The following MAST4 variants were observed in gnomAD, a reference collection of about 807,000 sequenced individuals.
MAST4 encodes microtubule-associated serine/threonine-protein kinase 4.
Under a neutral mutation model 162.7 loss-of-function variants are expected in MAST4, and 89 were observed. The ratio of observed to expected loss-of-function variants is 0.55; its 90% CI spans 0.46 to 0.65. The LOEUF is 0.65. Ranked by LOEUF, MAST4 falls within the 30% of genes least tolerant of loss-of-function variation. MAST4 has a pLI of 0.00. For missense variants in MAST4, 3,153 were observed against 3,374.0 expected (o/e 0.93, Z 1.62); for synonymous variants, 1,479 against 1,361.1 (o/e 1.09, Z -1.91).
intron 5 of MAST4, among the ~76,000 whole-genome samples, chr5:67,062,842 CA>C (rs1399936240): frequency 6.6e-6 from 1 of 152,070 alleles, no homozygotes; most frequent in African/African-American, 2.4e-5. Flanking sequence ...TCAACAAAAT[CA>C]ACTTGTAAAA....
chr5:66,905,626 A>G (rs1377303347), intron 4 of MAST4, among the ~76,000 whole-genome samples: 1 of 152,208 alleles, frequency 6.6e-6, no homozygotes, highest in Non-Finnish European at 1.5e-5. Flanking sequence ...AGAGGTCCTC[A>G]GAACATGTGC....
At chr5:67,078,632 A>G (rs1761974220) in intron 5 of MAST4, among the ~76,000 whole-genome samples, 1 of 140,638 alleles carries the variant, frequency 7.1e-6, no homozygotes, top group Admixed American at 7.4e-5. Context: ...ATATATTTAT[A>G]TTTATATTTA....
At chr5:66,924,899 T>A (rs1764784574) in intron 4 of MAST4, among the ~76,000 whole-genome samples, 1 of 152,334 alleles carries the variant, frequency 6.6e-6, no homozygotes, top group African/African-American at 2.4e-5. Flanking sequence ...CTTTCAGTGT[T>A]ACAGTCTCAG....
intron 1 of MAST4, among the ~76,000 whole-genome samples, chr5:66,705,258 A>G (rs188944316): frequency 2.6e-5 from 4 of 152,308 alleles, no homozygotes; most frequent in East Asian, 3.9e-4. Context: ...CATTTCCTGT[A>G]GCTTCCTTTT....
chr5:66,901,760 G>T (rs1258662814), intron 4 of MAST4, among the ~76,000 whole-genome samples: 1 of 152,022 alleles, frequency 6.6e-6, no homozygotes, highest in South Asian at 2.1e-4. Context: ...AAATAAACAT[G>T]CTATTTTGTA....
At chr5:66,718,502 G>C (rs775930460) in intron 1 of MAST4, among the ~76,000 whole-genome samples, 38 of 152,104 alleles carry the variant, frequency 2.5e-4, no homozygotes, top group Non-Finnish European at 5.0e-4. Flanking sequence ...GGTGGTATCT[G>C]TCTCAGGGCC....
chr5:66,703,040 T>C (rs1338808931), intron 1 of MAST4, among the ~76,000 whole-genome samples: 1 of 152,120 alleles, frequency 6.6e-6, no homozygotes, highest in African/African-American at 2.4e-5. Context: ...CTGTTAGGAT[T>C]CATTATGGAT....
At chr5:66,994,052 G>A (rs1326963202) in intron 4 of MAST4, among the ~76,000 whole-genome samples, 1 of 151,734 alleles carries the variant, frequency 6.6e-6, no homozygotes, top group Non-Finnish European at 1.5e-5. Context: ...TTGTTTCATG[G>A]GAGAGTGATA....
chr5:66,997,741 A>G (rs933210098), intron 4 of MAST4, among the ~76,000 whole-genome samples: 1 of 152,126 alleles, frequency 6.6e-6, no homozygotes, highest in African/African-American at 2.4e-5. Context: ...TGATGTTTTA[A>G]TTACATTTTA....
At chr5:67,113,313 CAAAAAAAAAAA>C (rs34018550) in intron 11 of MAST4, among the ~76,000 whole-genome samples, 5 of 67,392 alleles carry the variant, frequency 7.4e-5, no homozygotes, top group South Asian at 8.8e-4. Context: ...GACTCCGTCT[CAAAAAAAAAAA>C]AAAAAAAAAA....
chr5:66,988,573 T>C (rs1749756178), intron 4 of MAST4, among the ~76,000 whole-genome samples: 1 of 152,216 alleles, frequency 6.6e-6, no homozygotes. Context: ...ATTATCCCCA[T>C]TTTACAGAAT....
chr5:66,798,698 G>A (rs912349478), intron 3 of MAST4, among the ~76,000 whole-genome samples: 6 of 152,250 alleles, frequency 3.9e-5, no homozygotes, highest in East Asian at 3.9e-4. Context: ...GAAAACAGGC[G>A]TATACATTTA....
chr5:66,901,286 T>A (rs1219796317), intron 4 of MAST4, among the ~76,000 whole-genome samples: 4 of 152,136 alleles, frequency 2.6e-5, no homozygotes, highest in African/African-American at 9.6e-5. Context: ...GCCTTTTTAA[T>A]AGATTGCACA....
At chr5:67,089,007 C>T (rs893757555) in intron 5 of MAST4, among the ~76,000 whole-genome samples, 5 of 152,216 alleles carry the variant, frequency 3.3e-5, no homozygotes, top group African/African-American at 4.8e-5. Flanking sequence ...ACCTTTACAG[C>T]CATGTACTGA....
chr5:66,626,072 A>G (rs1044502556), intron 1 of MAST4, among the ~76,000 whole-genome samples: 2 of 152,208 alleles, frequency 1.3e-5, no homozygotes, highest in African/African-American at 4.8e-5. Flanking sequence ...TCTAAAATAT[A>G]AATAATCTAA....
At chr5:66,927,751 C>T (rs1411607964) in intron 4 of MAST4, among the ~76,000 whole-genome samples, 2 of 152,180 alleles carry the variant, frequency 1.3e-5, no homozygotes, top group African/African-American at 2.4e-5. Flanking sequence ...CCTAGGGTTG[C>T]CATGACAAAG....
At chr5:66,654,339 C>G (rs1303254242) in intron 1 of MAST4, among the ~76,000 whole-genome samples, 1 of 152,108 alleles carries the variant, frequency 6.6e-6, no homozygotes, top group Admixed American at 6.6e-5. Context: ...ATGAGGCAAC[C>G]AAAAGTGGTT....
At chr5:66,674,383 A>G (rs959720153) in intron 1 of MAST4, among the ~76,000 whole-genome samples, 2 of 152,238 alleles carry the variant, frequency 1.3e-5, no homozygotes, top group African/African-American at 4.8e-5. Flanking sequence ...TATTCAAAGA[A>G]AAAAGCACAA....
chr5:67,153,686 G>T, intron 26 of MAST4, 106 bp downstream of exon 26: 1 of 1,076,522 alleles, frequency 9.3e-7, no homozygotes. Context: ...TGATTACTGA[G>T]AAAGTATTCA....
Sources: gnomAD v4.1 joint callset for allele counts (sites outside exome capture counted in the v4.1 genomes callset) on GRCh38, gnomAD v4.1.1 for gene constraint, MANE v1.5 for transcripts, NCBI Gene and HGNC (gene_info 2026-07-23, HGNC 2026-07-21) for gene names.